RASSF8: variants seen among roughly 807,000 people sequenced by gnomAD.
RASSF8 encodes ras association domain-containing protein 8.
In RASSF8, 22 loss-of-function variants were observed where a neutral mutation model predicts 48.5. The ratio of observed to expected loss-of-function variants is 0.45; its 90% CI spans 0.32 to 0.65. The LOEUF is 0.65. Ranked by LOEUF, RASSF8 falls within the 30% of genes least tolerant of loss-of-function variation. The probability of loss-of-function intolerance (pLI) is 0.03; values close to 1 mark genes in which losing one functional copy is unlikely to be tolerated. For missense variants in RASSF8, 418 were observed against 489.2 expected (o/e 0.85, Z 1.37); for synonymous variants, 127 against 171.5 (o/e 0.74, Z 2.03).
At chr12:25,971,737 T>C (rs1040743169) in intron 1 of RASSF8, among the ~76,000 whole-genome samples, 5 of 152,246 alleles carry the variant, frequency 3.3e-5, no homozygotes, top group Admixed American at 3.3e-4. Context: ...GTAATGTTTG[T>C]AAAACACTTA....
At chr12:26,035,893 TATA>T (rs1192520155) in intron 2 of RASSF8, among the ~76,000 whole-genome samples, 239 of 145,884 alleles carry the variant, frequency 1.6e-3, no homozygotes, top group African/African-American at 5.5e-3. Flanking sequence ...TATATATAAT[TATA>T]ATCATATATG....
chr12:25,987,567 C>T (rs929545736), intron 1 of RASSF8, among the ~76,000 whole-genome samples: 1 of 152,112 alleles, frequency 6.6e-6, no homozygotes, highest in Non-Finnish European at 1.5e-5. Context: ...TTTTCTTCAG[C>T]TTGAAGTGGC....
At chr12:26,028,984 G>A (rs540173954) in intron 2 of RASSF8, among the ~76,000 whole-genome samples, 11 of 152,270 alleles carry the variant, frequency 7.2e-5, no homozygotes, top group South Asian at 2.1e-4. Context: ...GAAAAAAGCC[G>A]TATAAAATTT....
intron 4 of RASSF8, 52 bp downstream of exon 4, chr12:26,065,439 C>T (rs1386010382): frequency 1.3e-6 from 2 of 1,499,206 alleles, no homozygotes; most frequent in South Asian, 1.4e-5. Flanking sequence ...ATAGTATCTT[C>T]TTGGAATCTC....
intron 3 of RASSF8, among the ~76,000 whole-genome samples, chr12:26,057,814 G>T (rs1476747093): frequency 1.3e-5 from 2 of 152,058 alleles, no homozygotes; most frequent in Non-Finnish European, 2.9e-5. Flanking sequence ...TTTAATGATC[G>T]CCATTCCAAC....
chr12:26,035,882 TTA>T (rs1381785125), intron 2 of RASSF8, among the ~76,000 whole-genome samples: 2 of 145,228 alleles, frequency 1.4e-5, no homozygotes, highest in Non-Finnish European at 3.0e-5. Flanking sequence ...ATATTATATA[TTA>T]TATATAATTA....
intron 2 of RASSF8, among the ~76,000 whole-genome samples, chr12:26,023,766 T>C (rs1440155976): frequency 6.6e-6 from 1 of 152,164 alleles, no homozygotes; most frequent in Non-Finnish European, 1.5e-5. Context: ...TAACTGATTT[T>C]AAAAGAAATT....
intron 1 of RASSF8, among the ~76,000 whole-genome samples, chr12:25,994,539 T>G (rs781560219): frequency 6.6e-6 from 1 of 152,192 alleles, no homozygotes; most frequent in Non-Finnish European, 1.5e-5. Context: ...CTTAGGTTAG[T>G]CAGTAGTAGG....
chr12:26,026,929 G>A (rs1392041147), intron 2 of RASSF8, among the ~76,000 whole-genome samples: 1 of 152,064 alleles, frequency 6.6e-6, no homozygotes, highest in Non-Finnish European at 1.5e-5. Context: ...ATATGTCCAT[G>A]CAAAAAGTTG....
chr12:25,986,261 A>G (rs1471047198), intron 1 of RASSF8, among the ~76,000 whole-genome samples: 3 of 152,218 alleles, frequency 2.0e-5, no homozygotes, highest in Middle Eastern at 3.2e-3. Context: ...TCACAGGGCT[A>G]TAGAAACCTG....
At chr12:26,065,908 G>A (rs897585958) in intron 4 of RASSF8, among the ~76,000 whole-genome samples, 9 of 152,082 alleles carry the variant, frequency 5.9e-5, no homozygotes, top group South Asian at 2.1e-4. Context: ...GTTCACATAC[G>A]AGAAGTTCTA....
At chr12:25,964,564 C>T (rs1303165117) in intron 1 of RASSF8, among the ~76,000 whole-genome samples, 1 of 152,142 alleles carries the variant, frequency 6.6e-6, no homozygotes, top group Admixed American at 6.5e-5. Context: ...AGTGCTAAAT[C>T]ATGTTTATCC....
At chr12:26,035,804 C>T (rs1285432375) in intron 2 of RASSF8, among the ~76,000 whole-genome samples, 1 of 141,126 alleles carries the variant, frequency 7.1e-6, no homozygotes, top group Non-Finnish European at 1.5e-5. Flanking sequence ...ACTAGATATA[C>T]AATATATGAA....
intron 3 of RASSF8, among the ~76,000 whole-genome samples, chr12:26,057,457 T>C (rs1454101624): frequency 6.6e-6 from 1 of 152,204 alleles, no homozygotes; most frequent in Admixed American, 6.5e-5. Flanking sequence ...GGACATGGAC[T>C]CATCCTTTTT....
intron 2 of RASSF8, among the ~76,000 whole-genome samples, chr12:26,010,779 T>G (rs1014581899): frequency 1.9e-4 from 29 of 152,168 alleles, no homozygotes; most frequent in Non-Finnish European, 3.8e-4. Context: ...AATGATTGAT[T>G]CTGGGCCTTT....
At chr12:25,995,776 G>A (rs1235972854) in intron 2 of RASSF8, among the ~76,000 whole-genome samples, 1 of 152,100 alleles carries the variant, frequency 6.6e-6, no homozygotes, top group Non-Finnish European at 1.5e-5. Context: ...TTCGTCCCAG[G>A]AGGGAAAATA....
intron 2 of RASSF8, among the ~76,000 whole-genome samples, chr12:26,016,566 T>A (rs373711751): frequency 1.3e-4 from 20 of 152,328 alleles, no homozygotes; most frequent in East Asian, 5.8e-4. Context: ...GCGAAAGAGC[T>A]TTATAAATTG....
At chr12:26,007,690 C>T (rs140472579) in intron 2 of RASSF8, among the ~76,000 whole-genome samples, 125 of 152,242 alleles carry the variant, frequency 8.2e-4, no homozygotes, top group Non-Finnish European at 1.6e-3. Context: ...CAAGTACAGC[C>T]GAGTGTGGGC....
chr12:25,998,569 G>C (rs1049279127), intron 2 of RASSF8, among the ~76,000 whole-genome samples: 5 of 151,964 alleles, frequency 3.3e-5, no homozygotes, highest in African/African-American at 1.2e-4. Flanking sequence ...GGATGGTCTC[G>C]ATCTCTTGAC....
Sources: gnomAD v4.1 joint callset for allele counts (sites outside exome capture counted in the v4.1 genomes callset) on GRCh38, gnomAD v4.1.1 for gene constraint, MANE v1.5 for transcripts, NCBI Gene and HGNC (gene_info 2026-07-23, HGNC 2026-07-21) for gene names.